The following PLAT variants were observed in gnomAD, a reference collection of about 807,000 sequenced individuals.
PLAT encodes tissue-type plasminogen activator.
A neutral mutation model predicts 74.9 loss-of-function variants in PLAT; 48 were observed. The observed-to-expected ratio is 0.64, with a 90% CI of 0.51 to 0.82. PLAT has a LOEUF of 0.82. Ranked by LOEUF, PLAT falls within the 40% of genes least tolerant of loss-of-function variation. PLAT has a pLI of 0.00. For missense variants in PLAT, 673 were observed against 736.2 expected (o/e 0.91, Z 0.99); for synonymous variants, 307 against 294.4 (o/e 1.04, Z -0.44).
chr8:42,187,671 G>A, intron 5 of PLAT, 99 bp from the exon 6 acceptor site: 1 of 1,212,314 alleles, frequency 8.2e-7, no homozygotes, highest in Non-Finnish European at 1.1e-6. Flanking sequence ...CAGGCCTGAT[G>A]CAGGCTGGCT....
intron 3 of PLAT, among the ~76,000 whole-genome samples, chr8:42,190,082 T>A (rs1390594458): frequency 6.6e-6 from 1 of 152,066 alleles, no homozygotes; most frequent in African/African-American, 2.4e-5. Context: ...AGCTAATTTT[T>A]AAATTTTTTT....
In PLAT at chr8:42,207,556, T is replaced by C. The variant is rs1182999959; in HGVS notation, c.-89A>G. 1.3e-5 allele frequency: 2 copies of C among 152,274 alleles called. No individual in the cohort carries two copies. Among genetic ancestry groups the C allele is most frequent in the Non-Finnish European group, 2.9e-5 (2 of 68,104 alleles). 9.4% of individuals were successfully genotyped at this position (152,274 alleles called of 1,614,324 possible). The stretch of plus-strand genomic sequence containing the variant: ...TCTCCAGCCCTGGACTCCTGTAGGA[T>C]CTCAGCTCTGAGCTCCCCACAGCTC... On this transcript the variant is annotated 5_prime_UTR_variant, in exon 1 of 14. Coordinates refer to ENST00000220809, the MANE Select transcript of PLAT (RefSeq NM_000930.5).
At chr8:42,187,821 C>T in intron 5 of PLAT, 85 bp downstream of exon 5, 2 of 1,003,264 alleles carry the variant, frequency 2.0e-6, no homozygotes, top group Non-Finnish European at 1.6e-6. Context: ...CTGGCCCTGC[C>T]ATCGCACCCT....
intron 3 of PLAT, among the ~76,000 whole-genome samples, chr8:42,190,767 C>T (rs554912311): frequency 2.0e-5 from 3 of 152,314 alleles, no homozygotes; most frequent in African/African-American, 7.2e-5. Context: ...AGCTGGGCCT[C>T]GCATTCCTCA....
intron 1 of PLAT, among the ~76,000 whole-genome samples, chr8:42,201,781 G>C (rs935208157): frequency 1.3e-5 from 2 of 152,174 alleles, no homozygotes; most frequent in Non-Finnish European, 2.9e-5. Flanking sequence ...GAGACATCAG[G>C]CCATCTCTAT....
chr8:42,191,248 T>C (rs1805671831), intron 3 of PLAT, 124 bp downstream of exon 3: 2 of 780,412 alleles, frequency 2.6e-6, no homozygotes, highest in South Asian at 1.4e-5. Context: ...CATGCTGCAA[T>C]GGCACTGTCA....
intron 1 of PLAT, chr8:42,206,748 C>G (rs1806355304): frequency 6.6e-6 from 1 of 152,196 alleles, no homozygotes; most frequent in African/African-American, 2.4e-5. Context: ...CTGGAGAACC[C>G]CACATGCTTC....
At chr8:42,204,883 T>C (rs1806276634) in intron 1 of PLAT, among the ~76,000 whole-genome samples, 2 of 151,856 alleles carry the variant, frequency 1.3e-5, no homozygotes, top group African/African-American at 4.8e-5. Flanking sequence ...CCGGGCGTGG[T>C]GGCTTCAAGT....
At chr8:42,190,771 T>G (rs1313476253) in intron 3 of PLAT, among the ~76,000 whole-genome samples, 1 of 152,228 alleles carries the variant, frequency 6.6e-6, no homozygotes, top group Non-Finnish European at 1.5e-5. Flanking sequence ...GGGCCTCGCA[T>G]TCCTCAGCCT....
intron 1 of PLAT, among the ~76,000 whole-genome samples, chr8:42,202,659 T>C (rs1244605982): frequency 6.6e-6 from 1 of 152,124 alleles, no homozygotes; most frequent in East Asian, 1.9e-4. Context: ...ACAGCTCTTA[T>C]CCTGAAAGAG....
At chr8:42,193,416 C>A (rs1317351212) in intron 1 of PLAT, among the ~76,000 whole-genome samples, 1 of 152,186 alleles carries the variant, frequency 6.6e-6, no homozygotes, top group African/African-American at 2.4e-5. Context: ...AATTTACCAC[C>A]TTAACGATGT....
intron 6 of PLAT, chr8:42,186,951 T>C (rs1318720947): frequency 1.3e-5 from 2 of 154,128 alleles, no homozygotes; most frequent in Non-Finnish European, 2.9e-5. Flanking sequence ...AATCTGTCTA[T>C]CATCTATGTG....
rs182340116 is a variant in PLAT at position 42,199,248 on chromosome 8, G to A, written c.-26-6037C>T. On this transcript the variant is annotated intron_variant, in intron 1 of 13. Coordinates refer to ENST00000220809, the MANE Select transcript of PLAT (RefSeq NM_000930.5). ...TCTTAACAGAACTGTTTATAACTAG[G>A]GGAGAAGAGAGGAAGAGTCTGTTTC... Among the ~76,000 whole-genome samples the A allele has an allele frequency of 5.0e-4, 76 of 152,298 alleles. No individual in the cohort carries two copies. In the South Asian group the frequency reaches 6.6e-3, roughly 13 times the overall value.
intron 1 of PLAT, among the ~76,000 whole-genome samples, chr8:42,197,578 G>C (rs926644161): frequency 5.9e-5 from 9 of 152,198 alleles, no homozygotes; most frequent in African/African-American, 2.2e-4. Flanking sequence ...GTGGCCACAT[G>C]GGGAAATGAT....
Position 42,185,064 on chromosome 8 carries a change from G to A in PLAT, c.631+17C>T, listed in dbSNP as rs1043224284. On this transcript the variant is annotated intron_variant, in intron 7 of 13. Transcript: ENST00000220809. ...CCCCAGGGACATTCAGGGAAAGGCG[G>A]GGTGGCTGCCACTTACCCTCAGAGC... is the stretch of plus-strand genomic sequence containing the variant. 1.9e-6 allele frequency: 3 copies of A among 1,556,448 alleles called. No individual in the cohort carries two copies. Among genetic ancestry groups the A allele is most frequent in the Admixed American group, 1.8e-5 (1 of 54,408 alleles).
Position 42,185,113 on chromosome 8 carries a change from G to A in PLAT, c.599C>T (p.Ser200Leu), listed in dbSNP as rs777062125. 7.4e-6 allele frequency: 12 copies of A among 1,612,034 alleles called. No individual in the cohort carries two copies. Among genetic ancestry groups the A allele is most frequent in the African/African-American group, 1.3e-5 (1 of 74,740 alleles). ...GCAGGCAGGGGTGCTGCAGAACTCT[G>A]AGCTGTACTTCCCCGCCTTAAAGAC... ...CYVFKAGKYSSEFCSTPACSE... is the reference protein window; with the variant it reads ...CYVFKAGKYSLEFCSTPACSE... The change falls in exon 7 of 14, where the codon TCA (serine) becomes TTA (leucine). Residue 200 changes from serine to leucine, a missense_variant. Ser to Leu is a moderately radical substitution (Grantham distance 145). Transcript: ENST00000220809.
rs1378415030 is a variant in PLAT, at chr8:42,182,883, A to T, written c.639T>A (p.Ser213Arg). ...CTGACCCATTCCCAAAGTAGCAGTC[A>T]CTGTTTCCTAGAAGAAAAGAATTCT... is the stretch of plus-strand genomic sequence containing the variant. ...CSTPACSEGN[S>R]DCYFGNGSAY... Residue 213 changes from serine to arginine, a missense_variant, in exon 8 of 14, where the codon AGT becomes AGA. Coordinates refer to ENST00000220809, the MANE Select transcript of PLAT (RefSeq NM_000930.5). The T allele has an allele frequency of 6.2e-7, 1 of 1,608,578 alleles. No homozygotes were observed. The highest frequency in any genetic ancestry group is 8.5e-7 in the Non-Finnish European group (1 of 1,177,962).
At chr8:42,189,322 A>G (rs140801491) in intron 3 of PLAT, among the ~76,000 whole-genome samples, 1,800 of 152,094 alleles carry the variant, frequency 0.012, 29 homozygotes, top group South Asian at 0.056. Flanking sequence ...GTTCGAGACC[A>G]GCCTGGCCAA....
chr8:42,182,885 T>C lies in PLAT; in HGVS notation c.637A>G (p.Ser213Gly), dbSNP rs1446358290. 6.2e-7 allele frequency: 1 copy of C among 1,608,536 alleles called. No homozygotes were observed. The highest frequency in any genetic ancestry group is 8.5e-7 in the Non-Finnish European group (1 of 1,177,888). Reference sequence around the variant, plus strand: ...GACCCATTCCCAAAGTAGCAGTCACTGTTTCCTAGAAGAAAAGAATTCTCA... The same window carrying C: ...GACCCATTCCCAAAGTAGCAGTCACCGTTTCCTAGAAGAAAAGAATTCTCA... ...CSTPACSEGNSDCYFGNGSAY... is the reference protein window; with the variant it reads ...CSTPACSEGNGDCYFGNGSAY... The change falls in exon 8 of 14, where the codon AGT becomes GGT. Residue 213 changes from serine (S) to glycine (G), a missense_variant. Coordinates refer to ENST00000220809, the MANE Select transcript of PLAT (RefSeq NM_000930.5).
Sources: allele counts gnomAD v4.1 joint callset (sites outside exome capture counted in the v4.1 genomes callset), GRCh38; gene constraint gnomAD v4.1.1; transcripts MANE v1.5; gene names NCBI Gene and HGNC (gene_info 2026-07-23, HGNC 2026-07-21).